The following CFAP46 variants were observed in gnomAD, a reference collection of about 807,000 sequenced individuals.
CFAP46 encodes cilia and flagella associated protein 46.
Under a neutral mutation model 325.7 loss-of-function variants are expected in CFAP46, and 245 were observed. The ratio of observed to expected loss-of-function variants is 0.75; its 90% CI spans 0.68 to 0.84. CFAP46 has a LOEUF of 0.84. Ranked by LOEUF, CFAP46 falls within the 40% of genes least tolerant of loss-of-function variation. The pLI, the probability that CFAP46 is intolerant of heterozygous loss-of-function variation, is 0.00. For missense variants in CFAP46, 3,346 were observed against 3,543.0 expected (o/e 0.94, Z 1.41); for synonymous variants, 1,523 against 1,495.9 (o/e 1.02, Z -0.42).
intron 22 of CFAP46, among the ~76,000 whole-genome samples, chr10:132,904,249 T>G (rs1246772689): frequency 2.6e-5 from 4 of 152,266 alleles, no homozygotes; most frequent in African/African-American, 9.6e-5. Context: ...GCTCTGACAG[T>G]GACCAGCGAG....
intron 44 of CFAP46, among the ~76,000 whole-genome samples, chr10:132,837,558 GACATGCACGGACACAC>G: frequency 7.2e-6 from 1 of 138,552 alleles, no homozygotes; most frequent in Non-Finnish European, 1.5e-5. Context: ...CGCACACACA[GACATGCACGGACACAC>G]ACATGCACAC....
chr10:132,931,015 C>CT (rs1849890850), intron 8 of CFAP46, among the ~76,000 whole-genome samples: 2 of 126,458 alleles, frequency 1.6e-5, no homozygotes, highest in Admixed American at 7.7e-5. Context: ...CTTCCTCCTC[C>CT]ACAAACAAAA....
intron 6 of CFAP46, 130 bp from the exon 7 acceptor site, chr10:132,937,185 C>T: frequency 1.8e-6 from 1 of 540,992 alleles, no homozygotes; most frequent in Admixed American, 3.7e-5. Context: ...AGCTGATTCC[C>T]CATATGTCAA....
rs1224848457 is a variant in CFAP46 at position 132,828,450 on chromosome 10, T to A, written c.7117+4908A>T. ...CCATTTGCATTTCCTTGATAATTAA[T>A]GATGTCGGGCATCCTTCCATCGTAC... On this transcript the variant is annotated intron_variant, in intron 50 of 57. Transcript: ENST00000368586. This position sits in a 1 kb window ranked among gnomAD's most constrained non-coding sequence, Gnocchi z 4.9. Among the ~76,000 whole-genome samples the A allele has an allele frequency of 6.6e-6, 1 of 152,200 alleles. No individual in the cohort carries two copies. Among genetic ancestry groups the A allele is most frequent in the Non-Finnish European group, 1.5e-5 (1 of 68,038 alleles).
rs1418797819 is a variant in CFAP46, at chr10:132,832,294, C to A, written c.7117+1064G>T. ...GAGTGGCCGTTCCTTGCAGCTCTCT[C>A]CTTCCAGGTGTCCCGCCCTGCACGT... On this transcript the variant is annotated intron_variant, in intron 50 of 57. Coordinates refer to ENST00000368586, the MANE Select transcript of CFAP46 (RefSeq NM_001200049.3). The surrounding 1 kb of genome is among the most constrained non-coding windows in gnomAD (Gnocchi z 4.1). Among the ~76,000 whole-genome samples, 2 of 152,004 alleles carry A rather than the reference C, an allele frequency of 1.3e-5. No homozygotes were observed. The highest frequency in any genetic ancestry group is 2.9e-5 in the Non-Finnish European group (2 of 68,014).
chr10:132,826,671 C>T (rs11146533), intron 50 of CFAP46, among the ~76,000 whole-genome samples: 1,825 of 126,462 alleles, frequency 0.014, 13 homozygotes, highest in South Asian at 0.035. Flanking sequence ...AGGGAGGAGC[C>T]GGAGCCACGG....
chr10:132,887,893 CCTCTTCTCTCCTCTCCCTTCTTCT>C (rs1219979824), intron 25 of CFAP46, among the ~76,000 whole-genome samples: 2 of 83,970 alleles, frequency 2.4e-5, no homozygotes, highest in Non-Finnish European at 4.6e-5. Context: ...TCTCCTCTCT[CCTCTTCTCTCCTCTCCCTTCTTCT>C]CTCTCCTCTC....
At position 132,832,398 on chromosome 10, in the gene CFAP46, C is replaced by G. The variant is rs139899988; in HGVS notation, c.7117+960G>C. Among the ~76,000 whole-genome samples the G allele has an allele frequency of 0.067, 8,836 of 132,850 alleles. 593 individuals are homozygous for G. The highest frequency in any genetic ancestry group is 0.099 in the Non-Finnish European group (6,095 of 61,354). The allele number at this position is 132,850 out of a possible 152,430, so 87.2% of individuals were successfully genotyped here. Reference sequence around the variant, plus strand: ...CCCTGGGCTCTTCCTGCCCCCCCCCCCCAATGCTGTGGCCTGGAAATTCCC... The same window carrying G: ...CCCTGGGCTCTTCCTGCCCCCCCCCGCCAATGCTGTGGCCTGGAAATTCCC... On this transcript the variant is annotated intron_variant, in intron 50 of 57. Coordinates refer to ENST00000368586, the MANE Select transcript of CFAP46 (RefSeq NM_001200049.3). The surrounding 1 kb of genome is among the most constrained non-coding windows in gnomAD (Gnocchi z 4.1).
intron 50 of CFAP46, among the ~76,000 whole-genome samples, chr10:132,816,150 A>T (rs1394452693): frequency 6.6e-6 from 1 of 151,566 alleles, no homozygotes; most frequent in Non-Finnish European, 1.5e-5. Flanking sequence ...CGTTGATTCA[A>T]AGTTGCTCGG....
intron 11 of CFAP46, among the ~76,000 whole-genome samples, chr10:132,923,914 C>G (rs994067480): frequency 6.6e-6 from 1 of 152,090 alleles, no homozygotes; most frequent in Admixed American, 6.5e-5. Context: ...ATAGAGAAAA[C>G]TAAATAGAAC....
intron 25 of CFAP46, among the ~76,000 whole-genome samples, chr10:132,887,542 TTCTCTCCTCTCCCTTCTTC>T (rs1849169476): frequency 1.0e-5 from 1 of 96,226 alleles, no homozygotes; most frequent in African/African-American, 4.0e-5. Flanking sequence ...CTCTCCCCTC[TTCTCTCCTCTCCCTTCTTC>T]TCTCTCCTCT....
intron 26 of CFAP46, 101 bp downstream of exon 26, chr10:132,885,720 G>A (rs1849113458): frequency 3.0e-6 from 4 of 1,311,848 alleles, no homozygotes; most frequent in South Asian, 1.4e-5. Context: ...GGGATGCAGT[G>A]GGTGGAGCAC....
rs1554876285 is a variant in CFAP46 at position 132,832,398 on chromosome 10, C to CCA, written c.7117+959_7117+960insTG. Among the ~76,000 whole-genome samples the CCA allele has an allele frequency of 1.5e-5, 2 of 132,906 alleles. No individual in the cohort carries two copies. The highest frequency in any genetic ancestry group is 5.7e-5 in the African/African-American group (2 of 35,072). 87.2% of individuals were successfully genotyped at this position (132,906 alleles called of 152,430 possible). On this transcript the variant is annotated intron_variant, in intron 50 of 57. Coordinates refer to ENST00000368586, the MANE Select transcript of CFAP46 (RefSeq NM_001200049.3). The surrounding 1 kb of genome is among the most constrained non-coding windows in gnomAD (Gnocchi z 4.1). ...CCCTGGGCTCTTCCTGCCCCCCCCC[C>CCA]CCAATGCTGTGGCCTGGAAATTCCC...
intron 19 of CFAP46, 59 bp downstream of exon 19, chr10:132,912,596 T>TTTCA (rs1564798448): frequency 7.8e-4 from 1,031 of 1,313,640 alleles, no homozygotes; most frequent in Admixed American, 3.6e-3. Flanking sequence ...TCTCTCTCTC[T>TTTCA]CCTCTCTCCT....
At chr10:132,820,687 GTGTGTGCTGA>G (rs1188595035) in intron 50 of CFAP46, among the ~76,000 whole-genome samples, 3 of 130,214 alleles carry the variant, frequency 2.3e-5, no homozygotes, top group African/African-American at 8.8e-5. Flanking sequence ...GATGTGTGCT[GTGTGTGCTGA>G]TGTGTGCTGT....
chr10:132,902,410 C>G (rs955686135), intron 22 of CFAP46, among the ~76,000 whole-genome samples: 2 of 152,176 alleles, frequency 1.3e-5, no homozygotes, highest in African/African-American at 4.8e-5. Flanking sequence ...CAGCGTCCAG[C>G]CTGATGATAA....
intron 17 of CFAP46, among the ~76,000 whole-genome samples, chr10:132,915,652 G>A (rs1849626770): frequency 6.6e-6 from 1 of 152,260 alleles, no homozygotes; most frequent in Admixed American, 6.5e-5. Flanking sequence ...GCCGTGCCCA[G>A]CTTCTGATGC....
At chr10:132,920,372 C>G (rs542521158) in intron 13 of CFAP46, among the ~76,000 whole-genome samples, 190 bp from the exon 14 acceptor site, 12 of 152,320 alleles carry the variant, frequency 7.9e-5, no homozygotes, top group African/African-American at 2.9e-4. Flanking sequence ...GCCTGTGTCT[C>G]CTGCCGGCGA....
chr10:132,934,552 G>C (rs1849962303), intron 8 of CFAP46, among the ~76,000 whole-genome samples, 200 bp downstream of exon 8: 1 of 152,192 alleles, frequency 6.6e-6, no homozygotes, highest in Non-Finnish European at 1.5e-5. Context: ...TTAAAAAGTA[G>C]GGTATGAAAG....
Sources: allele counts gnomAD v4.1 joint callset (sites outside exome capture counted in the v4.1 genomes callset), GRCh38; gene constraint gnomAD v4.1.1; non-coding constraint Gnocchi (gnomAD v3.1); transcripts MANE v1.5; gene names NCBI Gene and HGNC (gene_info 2026-07-23, HGNC 2026-07-21).